SEMA5A: variants seen among roughly 807,000 people sequenced by gnomAD.
The protein encoded by SEMA5A is semaphorin 5A, also known as semaphorin-5A.
SEMA5A carries 55 observed loss-of-function variants against 135.5 expected under a neutral mutation model. The observed-to-expected ratio is 0.41, with a 90% CI of 0.33 to 0.51. The LOEUF is 0.51. Among genes scored for constraint, SEMA5A ranks in the 20% least tolerant of loss-of-function variants. SEMA5A has a pLI of 0.37. For missense variants in SEMA5A, 1,290 were observed against 1,419.9 expected (o/e 0.91, Z 1.47); for synonymous variants, 580 against 546.5 (o/e 1.06, Z -0.85).
chr5:9,056,385 T>C (rs1004915227), intron 18 of SEMA5A, among the ~76,000 whole-genome samples: 3 of 152,124 alleles, frequency 2.0e-5, no homozygotes, highest in Non-Finnish European at 4.4e-5. Context: ...GAATGTACAA[T>C]GGTGCAGCTG....
intron 18 of SEMA5A, among the ~76,000 whole-genome samples, chr5:9,056,361 T>A (rs1405032007): frequency 1.3e-5 from 2 of 152,186 alleles, no homozygotes; most frequent in Non-Finnish European, 2.9e-5. Context: ...GGAGCCCTTA[T>A]ACACTGTTGG....
intron 16 of SEMA5A, among the ~76,000 whole-genome samples, chr5:9,089,558 G>C (rs1395992623): frequency 1.3e-5 from 2 of 152,054 alleles, no homozygotes; most frequent in African/African-American, 4.8e-5. Context: ...TGAGATGCAG[G>C]CAAGAGGGCT....
intron 6 of SEMA5A, among the ~76,000 whole-genome samples, chr5:9,236,239 G>T (rs963221690): frequency 6.6e-5 from 10 of 152,184 alleles, no homozygotes; most frequent in African/African-American, 2.2e-4. Context: ...GATATCCCCA[G>T]GCAAGGCCCA....
chr5:9,513,609 A>G (rs1440183721), intron 1 of SEMA5A, among the ~76,000 whole-genome samples: 1 of 152,150 alleles, frequency 6.6e-6, no homozygotes, highest in Non-Finnish European at 1.5e-5. Flanking sequence ...GCAGCTCCTC[A>G]CACAAAACAG....
intron 4 of SEMA5A, among the ~76,000 whole-genome samples, chr5:9,331,591 G>A (rs957804467): frequency 6.6e-6 from 1 of 152,238 alleles, no homozygotes; most frequent in South Asian, 2.1e-4. Context: ...TCTAACTAGG[G>A]AGTTTCCACT....
At chr5:9,082,379 C>G (rs527557605) in intron 16 of SEMA5A, among the ~76,000 whole-genome samples, 1 of 152,246 alleles carries the variant, frequency 6.6e-6, no homozygotes, top group East Asian at 1.9e-4. Flanking sequence ...AACTGAGTTT[C>G]CAGTGACTAC....
chr5:9,204,168 T>C lies in SEMA5A; in HGVS notation c.647-1928A>G, dbSNP rs1383623770. Among the ~76,000 whole-genome samples, 7 of 152,124 alleles carry C rather than the reference T, an allele frequency of 4.6e-5. No individual in the cohort carries two copies. The highest frequency in any genetic ancestry group is 9.7e-5 in the African/African-American group (4 of 41,404). ...GTCCTGCACCCTGGCTAAACAAAAC[T>C]AGAGTTTGGGAATTGTACTAAAAAC... On this transcript the variant is annotated intron_variant, in intron 8 of 22. Transcript: ENST00000382496. The surrounding 1 kb of genome is among the most constrained non-coding windows in gnomAD (Gnocchi z 6.4).
intron 8 of SEMA5A, among the ~76,000 whole-genome samples, chr5:9,223,606 A>G (rs1747127807): frequency 6.6e-6 from 1 of 152,194 alleles, no homozygotes. Context: ...ACTAGTGCTG[A>G]GGTTGAGAAA....
At chr5:9,154,812 G>C (rs1244431224) in intron 11 of SEMA5A, 117 bp from the exon 12 acceptor site, 1 of 886,002 alleles carries the variant, frequency 1.1e-6, no homozygotes, top group East Asian at 2.5e-5. Context: ...AAAGCCATCT[G>C]AGCATCCTTC....
At chr5:9,051,629 T>G (rs955323623) in intron 20 of SEMA5A, among the ~76,000 whole-genome samples, 1 of 152,214 alleles carries the variant, frequency 6.6e-6, no homozygotes, top group African/African-American at 2.4e-5. Context: ...GTCTTCTGAT[T>G]GCATTATAGT....
chr5:9,220,874 C>T (rs1275174778), intron 8 of SEMA5A, among the ~76,000 whole-genome samples: 1 of 152,148 alleles, frequency 6.6e-6, no homozygotes, highest in Non-Finnish European at 1.5e-5. Flanking sequence ...CACAGCAGCG[C>T]CGCATGGTGG....
intron 5 of SEMA5A, among the ~76,000 whole-genome samples, chr5:9,276,019 T>C (rs1279595856): frequency 6.6e-6 from 1 of 152,194 alleles, no homozygotes; most frequent in Non-Finnish European, 1.5e-5. Context: ...GGAAGTCAAA[T>C]TGTCTCTGTT....
chr5:9,335,113 G>A (rs1286780162), intron 4 of SEMA5A, among the ~76,000 whole-genome samples: 1 of 152,154 alleles, frequency 6.6e-6, no homozygotes, highest in African/African-American at 2.4e-5. Flanking sequence ...AGAGACATTG[G>A]GATGGAGACG....
intron 21 of SEMA5A, among the ~76,000 whole-genome samples, chr5:9,048,161 A>G (rs1736373796): frequency 1.3e-5 from 2 of 152,170 alleles, no homozygotes; most frequent in African/African-American, 4.8e-5. Context: ...GGTGTTGTCC[A>G]AGTGTGTTAC....
intron 5 of SEMA5A, among the ~76,000 whole-genome samples, chr5:9,296,411 G>A (rs977373276): frequency 6.6e-6 from 1 of 151,992 alleles, no homozygotes; most frequent in African/African-American, 2.4e-5. Flanking sequence ...TATTTATAAT[G>A]AGCCCTTCTT....
chr5:9,051,747 C>A, intron 20 of SEMA5A, 126 bp downstream of exon 20: 2 of 1,175,822 alleles, frequency 1.7e-6, no homozygotes, highest in East Asian at 2.5e-5. Flanking sequence ...ACCTTGAAAC[C>A]ATGGGGCTTG....
At chr5:9,271,438 G>A (rs993363051) in intron 5 of SEMA5A, among the ~76,000 whole-genome samples, 3 of 152,172 alleles carry the variant, frequency 2.0e-5, no homozygotes, top group South Asian at 2.1e-4. Context: ...ATGTGAAAGC[G>A]ACTTTGGAAC....
chr5:9,511,772 T>C lies in SEMA5A; in HGVS notation c.-175+33812A>G, dbSNP rs145241416. Among the ~76,000 whole-genome samples, 1,208 of 152,310 alleles carry C rather than the reference T, an allele frequency of 7.9e-3. 16 individuals carry two copies. Among genetic ancestry groups the C allele is most frequent in the African/African-American group, 0.027 (1,139 of 41,570 alleles). The stretch of plus-strand genomic sequence containing the variant: ...AGCTGGATTTAATCATTCCACAAGA[T>C]GTACATGTATCAAAACAGCATGTTG... On this transcript the variant is annotated intron_variant, in intron 1 of 22. Transcript: ENST00000382496.
chr5:9,489,677 T>C (rs1424033818), intron 1 of SEMA5A, among the ~76,000 whole-genome samples: 4 of 152,150 alleles, frequency 2.6e-5, no homozygotes, highest in Non-Finnish European at 4.4e-5. Flanking sequence ...AACAAAAGTG[T>C]TTTTGAAAAA....
Sources: allele counts gnomAD v4.1 joint callset (sites outside exome capture counted in the v4.1 genomes callset), GRCh38; gene constraint gnomAD v4.1.1; non-coding constraint Gnocchi (gnomAD v3.1); transcripts MANE v1.5; gene names NCBI Gene and HGNC (gene_info 2026-07-23, HGNC 2026-07-21).